The following PLXNA4 variants were observed in gnomAD, a reference collection of about 807,000 sequenced individuals.
PLXNA4 encodes plexin-A4.
In PLXNA4, 44 loss-of-function variants were observed where a neutral mutation model predicts 191.8. That is an observed-to-expected ratio of 0.23 (90% CI 0.18 to 0.29). The LOEUF (loss-of-function observed/expected upper bound fraction) is 0.29. Ranked by LOEUF, PLXNA4 falls within the 10% of genes least tolerant of loss-of-function variation. PLXNA4 has a pLI of 1.00. For synonymous variants in PLXNA4, 1,082 were observed against 1,009.5 expected (o/e 1.07, Z -1.36); for missense variants, 1,800 against 2,488.8 (o/e 0.72, Z 5.89).
intron 14 of PLXNA4, among the ~76,000 whole-genome samples, chr7:132,193,204 T>C (rs1215177616): frequency 6.6e-6 from 1 of 152,180 alleles, no homozygotes. Flanking sequence ...TAGGAAGATG[T>C]TTATTATCAA....
At position 132,126,746 on chromosome 7, in the gene PLXNA4, G is replaced by A. The variant is rs953158244; in HGVS notation, c.*3733C>T. 3 of 152,216 alleles carry A rather than the reference G, an allele frequency of 2.0e-5. No homozygotes were observed. Among genetic ancestry groups the A allele is most frequent in the Non-Finnish European group, 4.4e-5 (3 of 68,088 alleles). The allele number at this position is 152,216 out of a possible 1,614,324, so 9.4% of individuals were successfully genotyped here. ...CACAAGCAGCCAAGCTCACTTACCA[G>A]GCTGCGGGTGCACAAGGGGTAGGCT... is the stretch of plus-strand genomic sequence containing the variant. On this transcript the variant is annotated 3_prime_UTR_variant, in exon 32 of 32. Coordinates refer to ENST00000321063, the MANE Select transcript of PLXNA4 (RefSeq NM_020911.2).
At chr7:132,138,178 T>C (rs1795167902) in intron 30 of PLXNA4, among the ~76,000 whole-genome samples, 1 of 152,140 alleles carries the variant, frequency 6.6e-6, no homozygotes, top group African/African-American at 2.4e-5. Context: ...GCCCTATTTT[T>C]TAGTTGTGAT....
intron 4 of PLXNA4, among the ~76,000 whole-genome samples, chr7:132,295,335 G>T (rs1370621640): frequency 6.6e-6 from 1 of 152,162 alleles, no homozygotes; most frequent in African/African-American, 2.4e-5. Context: ...TGCAGGCCAG[G>T]AATAGTCCAA....
Position 132,259,465 on chromosome 7 carries a change from A to G in PLXNA4, c.1504-18299T>C, listed in dbSNP as rs1182793428. 3.7e-4 allele frequency among the ~76,000 whole-genome samples: 51 copies of G among 139,248 alleles called. 1 individual carries two copies. Among genetic ancestry groups the G allele is most frequent in the Non-Finnish European group, 4.8e-4 (31 of 65,230 alleles). 91.4% of individuals were successfully genotyped at this position (139,248 alleles called of 152,430 possible). On this transcript the variant is annotated intron_variant, in intron 4 of 31. Coordinates refer to ENST00000321063, the MANE Select transcript of PLXNA4 (RefSeq NM_020911.2). ...AAAAAAAAAAAAAAAAAAAAAAAAAAAAAAAAAAGAAAAAAGGAAAAAAGA... is the reference window on the plus strand; with the variant it reads ...AAAAAAAAAAAAAAAAAAAAAAAAAGAAAAAAAAGAAAAAAGGAAAAAAGA...
chr7:132,560,430 G>A (rs1162514146), intron 1 of PLXNA4, among the ~76,000 whole-genome samples: 3 of 152,088 alleles, frequency 2.0e-5, no homozygotes, highest in East Asian at 1.9e-4. Context: ...TGTTTACGCC[G>A]AAACATGAAC....
intron 3 of PLXNA4, chr7:132,485,063 T>C (rs901219555): frequency 1.2e-6 from 2 of 1,603,938 alleles, no homozygotes; most frequent in Admixed American, 1.7e-5. Flanking sequence ...GAAAAAAAAA[T>C]TAGGAAGATT....
chr7:132,643,855 G>A (rs1370148224), intron 2 of PLXNA4, among the ~76,000 whole-genome samples: 1 of 152,044 alleles, frequency 6.6e-6, no homozygotes, highest in Admixed American at 6.6e-5. Flanking sequence ...GGGAGGCTGA[G>A]GCAGAAGGAT....
At chr7:132,287,803 ATGCCC>A (rs1800739752) in intron 4 of PLXNA4, among the ~76,000 whole-genome samples, 1 of 152,154 alleles carries the variant, frequency 6.6e-6, no homozygotes, top group African/African-American at 2.4e-5. Context: ...GTACCCCGGG[ATGCCC>A]TAGAGGTTGC....
intron 4 of PLXNA4, among the ~76,000 whole-genome samples, chr7:132,278,043 T>C (rs980100766): frequency 1.3e-5 from 2 of 152,186 alleles, no homozygotes; most frequent in African/African-American, 4.8e-5. Context: ...TAATAATAAG[T>C]GTACCTCACT....
intron 3 of PLXNA4, among the ~76,000 whole-genome samples, chr7:132,322,301 C>A (rs973569993): frequency 2.6e-5 from 4 of 151,636 alleles, no homozygotes; most frequent in African/African-American, 9.7e-5. Context: ...TGTGCCTCTG[C>A]CTCCCAAGTA....
intron 3 of PLXNA4, among the ~76,000 whole-genome samples, chr7:132,345,789 T>A (rs1585017567): frequency 6.6e-6 from 1 of 152,200 alleles, no homozygotes; most frequent in African/African-American, 2.4e-5. Flanking sequence ...CCATAAATTG[T>A]ACAGACAAAG....
In PLXNA4 at chr7:132,333,765, C is replaced by T. The variant is rs764815736; in HGVS notation, c.1372-35543G>A. 3.4e-4 allele frequency among the ~76,000 whole-genome samples: 52 copies of T among 152,288 alleles called. 1 individual carries two copies. The highest frequency in any genetic ancestry group is 6.0e-4 in the Non-Finnish European group (41 of 68,030). The stretch of plus-strand genomic sequence containing the variant: ...GGAAAATCAGCTCCGGGCCCCACTT[C>T]CCAAGGGTCCTGTGGGGATAAGACA... On this transcript the variant is annotated intron_variant, in intron 3 of 31. Transcript: ENST00000321063.
At chr7:132,313,453 A>C (rs1419511420) in intron 3 of PLXNA4, among the ~76,000 whole-genome samples, 1 of 152,168 alleles carries the variant, frequency 6.6e-6, no homozygotes, top group African/African-American at 2.4e-5. Flanking sequence ...GCCAAAAGGC[A>C]GTTGGAATAG....
At chr7:132,246,184 C>T (rs1329568579) in intron 4 of PLXNA4, among the ~76,000 whole-genome samples, 4 of 152,198 alleles carry the variant, frequency 2.6e-5, no homozygotes, top group African/African-American at 9.6e-5. Context: ...ATGAAAACAC[C>T]TGTTCTCTGC....
chr7:132,269,929 G>T (rs1179869621), intron 4 of PLXNA4, among the ~76,000 whole-genome samples: 2 of 152,086 alleles, frequency 1.3e-5, no homozygotes, highest in African/African-American at 4.8e-5. Context: ...CAGTGCTGAG[G>T]CCCCTACTTT....
At chr7:132,133,288 T>C in intron 30 of PLXNA4, 89 bp from the exon 31 acceptor site, 2 of 1,546,104 alleles carry the variant, frequency 1.3e-6, no homozygotes, top group Non-Finnish European at 1.7e-6. Context: ...TCTGGGGCCA[T>C]GAGCTCAGCT....
intron 3 of PLXNA4, chr7:132,367,792 G>A (rs1423392767): frequency 6.6e-6 from 1 of 152,240 alleles, no homozygotes; most frequent in Admixed American, 6.5e-5. Context: ...CTGCAGGGAT[G>A]GAACAGCCAC....
At chr7:132,645,418 A>C (rs1803848271) in intron 2 of PLXNA4, among the ~76,000 whole-genome samples, 1 of 152,176 alleles carries the variant, frequency 6.6e-6, no homozygotes, top group East Asian at 1.9e-4. Context: ...CTTGTGAAGA[A>C]GGTGCCAGCT....
chr7:132,563,997 T>TC (rs1801565750), intron 1 of PLXNA4, among the ~76,000 whole-genome samples: 2 of 2,258 alleles, frequency 8.9e-4, no homozygotes, highest in African/African-American at 3.8e-3. Context: ...TCCTCCTCCT[T>TC]CTCCTCCTCC....
Sources: allele counts gnomAD v4.1 joint callset (sites outside exome capture counted in the v4.1 genomes callset), GRCh38; gene constraint gnomAD v4.1.1; transcripts MANE v1.5; gene names NCBI Gene and HGNC (gene_info 2026-07-23, HGNC 2026-07-21).